The following ZC3HAV1 variants were observed in gnomAD, a reference collection of about 807,000 sequenced individuals.
ZC3HAV1 encodes zinc finger CCCH-type containing, antiviral 1.
Under a neutral mutation model 86.6 loss-of-function variants are expected in ZC3HAV1, and 41 were observed. The observed-to-expected ratio is 0.47, with a 90% CI of 0.37 to 0.61. ZC3HAV1 has a LOEUF of 0.61. Among genes scored for constraint, ZC3HAV1 ranks in the 20% least tolerant of loss-of-function variants. The pLI is 0.00. For missense variants in ZC3HAV1, 964 were observed against 1,141.1 expected (o/e 0.84, Z 2.24); for synonymous variants, 421 against 432.1 (o/e 0.97, Z 0.32).
At chr7:139,096,505 T>C (rs1817592180) in intron 1 of ZC3HAV1, among the ~76,000 whole-genome samples, 1 of 152,120 alleles carries the variant, frequency 6.6e-6, no homozygotes. Flanking sequence ...AAGGAAGGGG[T>C]AGAAGCCTCT....
At chr7:139,062,117 G>A (rs1699434886) in intron 8 of ZC3HAV1, among the ~76,000 whole-genome samples, 1 of 152,114 alleles carries the variant, frequency 6.6e-6, no homozygotes, top group Admixed American at 6.6e-5. Context: ...AGAGACATAA[G>A]GAAACTTTCG....
chr7:139,107,017 AT>A (rs1817956577), intron 1 of ZC3HAV1, among the ~76,000 whole-genome samples: 1 of 152,178 alleles, frequency 6.6e-6, no homozygotes, highest in Non-Finnish European at 1.5e-5. Context: ...AAATAAAAAA[AT>A]AAAAAGCATA....
At chr7:139,102,799 T>C (rs1817813319) in intron 1 of ZC3HAV1, among the ~76,000 whole-genome samples, 1 of 151,014 alleles carries the variant, frequency 6.6e-6, no homozygotes, top group South Asian at 2.1e-4. Context: ...GGCACTAGCC[T>C]GGTCCCAGCT....
At chr7:139,095,632 G>A (rs756188282) in intron 1 of ZC3HAV1, among the ~76,000 whole-genome samples, 2 of 152,216 alleles carry the variant, frequency 1.3e-5, no homozygotes, top group African/African-American at 4.8e-5. Flanking sequence ...GGATAGGGGA[G>A]GCCGGAGGCC....
At chr7:139,056,904 T>C (rs1007641201) in intron 9 of ZC3HAV1, among the ~76,000 whole-genome samples, 1 of 152,208 alleles carries the variant, frequency 6.6e-6, no homozygotes, top group Non-Finnish European at 1.5e-5. Flanking sequence ...GGGTATTAGA[T>C]GATATTAAGG....
At chr7:139,057,046 C>A (rs1816304437) in intron 9 of ZC3HAV1, among the ~76,000 whole-genome samples, 1 of 151,978 alleles carries the variant, frequency 6.6e-6, no homozygotes, top group Non-Finnish European at 1.5e-5. Flanking sequence ...TTAAAATATT[C>A]CAGCAAAAGA....
At chr7:139,098,835 C>A (rs192481733) in intron 1 of ZC3HAV1, among the ~76,000 whole-genome samples, 1 of 152,220 alleles carries the variant, frequency 6.6e-6, no homozygotes, top group African/African-American at 2.4e-5. Context: ...CTCCTGAAAC[C>A]TTTTACCCCT....
At chr7:139,069,933 A>G (rs1314252343) in intron 7 of ZC3HAV1, among the ~76,000 whole-genome samples, 1 of 152,194 alleles carries the variant, frequency 6.6e-6, no homozygotes, top group Non-Finnish European at 1.5e-5. Flanking sequence ...ACGCTGGCTC[A>G]AGGCAGGTCA....
In ZC3HAV1 at chr7:139,108,504, T is replaced by C. The variant is rs1302594610; in HGVS notation, c.308+520A>G. ...AAAGCGGTGATGAGGGGCATGGGGG[T>C]GACCGGGAAGGGAGGGACAAGCAGA... On this transcript the variant is annotated intron_variant, in intron 1 of 12. Coordinates refer to ENST00000242351, the MANE Select transcript of ZC3HAV1 (RefSeq NM_020119.4). The surrounding 1 kb of genome is among the most constrained non-coding windows in gnomAD (Gnocchi z 4.2). Among the ~76,000 whole-genome samples, 1 of 151,292 alleles carries C rather than the reference T, an allele frequency of 6.6e-6. No homozygotes were observed. The highest frequency in any genetic ancestry group is 1.5e-5 in the Non-Finnish European group (1 of 67,858).
rs145624307 is a variant in ZC3HAV1 at position 139,074,678 on chromosome 7, T to A, written c.1698-648A>T. Among the ~76,000 whole-genome samples the A allele has an allele frequency of 3.0e-3, 453 of 151,540 alleles. 6 individuals are homozygous for A. Among genetic ancestry groups the A allele is most frequent in the African/African-American group, 0.01 (426 of 41,414 alleles). On this transcript the variant is annotated intron_variant, in intron 6 of 12. Transcript: ENST00000242351. The stretch of plus-strand genomic sequence containing the variant: ...TCCATATAAATATTATATATAAATA[T>A]GTAAATAAATACACACAGTTATATA...
rs551920871 is a variant in ZC3HAV1, at chr7:139,065,007, GA to G, written c.1873-9del. On this transcript the variant is annotated splice_polypyrimidine_tract_variant and intron_variant, in intron 7 of 12. Transcript: ENST00000242351. ...ATTTTTCCGTTTGTCTTTCTAATTG[GA>G]AAAAAAATAAAAGGTAAAGTCAGGG... The G allele has an allele frequency of 7.8e-5, 126 of 1,608,196 alleles. 1 individual carries two copies. The South Asian group carries it at 1.3e-3, about 16-fold the overall frequency.
intron 1 of ZC3HAV1, among the ~76,000 whole-genome samples, chr7:139,101,041 C>T (rs1353734511): frequency 6.6e-6 from 1 of 152,326 alleles, no homozygotes; most frequent in Non-Finnish European, 1.5e-5. Flanking sequence ...GACGGGGTTT[C>T]GCTGTGTTGG....
chr7:139,105,014 C>T (rs1817889620), intron 1 of ZC3HAV1, among the ~76,000 whole-genome samples: 3 of 119,326 alleles, frequency 2.5e-5, no homozygotes, highest in South Asian at 2.6e-4. Context: ...GCCTGGGTGA[C>T]AGAGTGAGAC....
At position 139,053,946 on chromosome 7, in the gene ZC3HAV1, C is replaced by G. The variant is rs753889325; in HGVS notation, c.2318+19G>C. The stretch of plus-strand genomic sequence containing the variant: ...CTTTCCGGTTTTATGTAAAGAAACA[C>G]GATAACGTGGCCACCAACCATGTAA... On this transcript the variant is annotated intron_variant, in intron 11 of 12. Coordinates refer to ENST00000242351, the MANE Select transcript of ZC3HAV1 (RefSeq NM_020119.4). The G allele has an allele frequency of 1.3e-6, 2 of 1,596,924 alleles. No individual in the cohort carries two copies. Among genetic ancestry groups the G allele is most frequent in the East Asian group, 4.5e-5 (2 of 44,298 alleles).
At chr7:139,096,134 C>T (rs559098135) in intron 1 of ZC3HAV1, among the ~76,000 whole-genome samples, 1 of 152,158 alleles carries the variant, frequency 6.6e-6, no homozygotes, top group Non-Finnish European at 1.5e-5. Flanking sequence ...CCTGCCTCAG[C>T]CTCCCGAGTA....
At chr7:139,058,452 C>T (rs1053641464) in intron 9 of ZC3HAV1, among the ~76,000 whole-genome samples, 5 of 133,126 alleles carry the variant, frequency 3.8e-5, no homozygotes, top group South Asian at 2.4e-4. Context: ...CCCCCCCCCC[C>T]CCACAAAAAA....
Position 139,092,117 on chromosome 7 carries a change from A to AG in ZC3HAV1, c.309-2359dup, listed in dbSNP as rs1197842066. ...CAAGAAAGTAAACAGTTCCAGGTGCAGGGGCTTTAAGACTATTACAAGGTG... is the reference window on the plus strand; with the variant it reads ...CAAGAAAGTAAACAGTTCCAGGTGCAGGGGGCTTTAAGACTATTACAAGGTG... On this transcript the variant is annotated intron_variant, in intron 1 of 12. Transcript: ENST00000242351. 2.0e-5 allele frequency among the ~76,000 whole-genome samples: 3 copies of AG among 152,228 alleles called. No individual in the cohort carries two copies. In the East Asian group the frequency reaches 5.8e-4, roughly 29 times the overall value.
rs1424440868 is a variant in ZC3HAV1 at position 139,060,653 on chromosome 7, C to T, written c.2096+383G>A. ...CTCAGGAGTTCAAGACCAGCCTGGG[C>T]AACAAAGTGAGACCCCCTCTAAAAA... is the stretch of plus-strand genomic sequence containing the variant. On this transcript the variant is annotated intron_variant, in intron 9 of 12. Transcript: ENST00000242351. 4.8e-6 allele frequency: 5 copies of T among 1,031,734 alleles called. No homozygotes were observed. In the East Asian group the frequency reaches 3.3e-4, roughly 67 times the overall value. 63.9% of individuals were successfully genotyped at this position (1,031,734 alleles called of 1,614,324 possible). A position where few individuals can be genotyped will look rare whatever the true frequency, so the allele number is the denominator to read the frequency against.
In ZC3HAV1 at chr7:139,100,565, CA is replaced by C. The variant is rs1015709361; in HGVS notation, c.308+8458del. On this transcript the variant is annotated intron_variant, in intron 1 of 12. Coordinates refer to ENST00000242351, the MANE Select transcript of ZC3HAV1 (RefSeq NM_020119.4). Reference sequence around the variant, plus strand: ...AAACAAAAACAAAAACAAAAACAAACAAAAAAAACCACAGTGATACAATTTC... The same window carrying C: ...AAACAAAAACAAAAACAAAAACAAACAAAAAAACCACAGTGATACAATTTC... Among the ~76,000 whole-genome samples the C allele has an allele frequency of 9.3e-5, 14 of 150,646 alleles. No homozygotes were observed. The East Asian group carries it at 2.6e-3, about 28-fold the overall frequency.
Sources: allele counts gnomAD v4.1 joint callset (sites outside exome capture counted in the v4.1 genomes callset), GRCh38; gene constraint gnomAD v4.1.1; non-coding constraint Gnocchi (gnomAD v3.1); transcripts MANE v1.5; gene names NCBI Gene and HGNC (gene_info 2026-07-23, HGNC 2026-07-21).